The following HAPLN1 variants were observed in gnomAD, a reference collection of about 807,000 sequenced individuals.
HAPLN1 encodes the protein hyaluronan and proteoglycan link protein 1.
HAPLN1 carries 13 observed loss-of-function variants against 36.5 expected under a neutral mutation model. The ratio of observed to expected loss-of-function variants is 0.36; its 90% confidence interval spans 0.23 to 0.57. HAPLN1 has a LOEUF of 0.57. Ranked by LOEUF, HAPLN1 falls within the 20% of genes least tolerant of loss-of-function variation. The pLI is 0.83. For synonymous variants in HAPLN1, 202 were observed against 169.8 expected (o/e 1.19, Z -1.48); for missense variants, 407 against 439.7 (o/e 0.93, Z 0.66).
At chr5:83,697,070 C>T (rs2112625505) in intron 1 of HAPLN1, among the ~76,000 whole-genome samples, 1 of 152,216 alleles carries the variant, frequency 6.6e-6, no homozygotes, top group East Asian at 1.9e-4. Flanking sequence ...ACCAGGATTC[C>T]TGGCAAACAC....
intron 2 of HAPLN1, among the ~76,000 whole-genome samples, chr5:83,655,744 G>A (rs1057289759): frequency 6.6e-6 from 1 of 152,114 alleles, no homozygotes; most frequent in Non-Finnish European, 1.5e-5. Flanking sequence ...TTTTGGAGAA[G>A]TGGTCTATTG....
rs747717269 is a variant in HAPLN1, at chr5:83,644,636, C to T, written c.502G>A (p.Gly168Arg). 6.7e-7 allele frequency: 1 copy of T among 1,487,318 alleles called. No homozygotes were observed. The highest frequency in any genetic ancestry group is 2.3e-5 in the Admixed American group (1 of 43,522). 92.1% of individuals were successfully genotyped at this position (1,487,318 alleles called of 1,614,324 possible). The change falls in exon 4 of 5, where the codon GGG becomes AGG. Residue 168 changes from glycine (G) to arginine (R), a missense_variant. Gly to Arg is a moderately radical substitution (Grantham distance 125, BLOSUM62 -2). Coordinates refer to ENST00000274341, the MANE Select transcript of HAPLN1 (RefSeq NM_001884.4). ...TCGTGAAAATTGAGATTGTAGCGCCCCAGTCGTGGAAAGTAAGGGAATACC... is the reference window on the plus strand; with the variant it reads ...TCGTGAAAATTGAGATTGTAGCGCCTCAGTCGTGGAAAGTAAGGGAATACC... The part of the protein sequence containing the change: ...GVVFPYFPRL[G>R]RYNLNFHEAQ...
At chr5:83,667,476 G>A (rs1750585702) in intron 2 of HAPLN1, among the ~76,000 whole-genome samples, 1 of 151,284 alleles carries the variant, frequency 6.6e-6, no homozygotes, top group East Asian at 1.9e-4. Flanking sequence ...ATATATATAA[G>A]TATATTTCCA....
chr5:83,668,136 T>C (rs948665174), intron 2 of HAPLN1, among the ~76,000 whole-genome samples: 1 of 152,180 alleles, frequency 6.6e-6, no homozygotes, highest in African/African-American at 2.4e-5. Flanking sequence ...TGGGTTTATG[T>C]GACTGGGATG....
At chr5:83,718,440 C>G (rs894950857) in intron 1 of HAPLN1, among the ~76,000 whole-genome samples, 11 of 152,132 alleles carry the variant, frequency 7.2e-5, no homozygotes, top group Non-Finnish European at 1.3e-4. Flanking sequence ...CACCACAGAC[C>G]CTCCCATTCA....
Position 83,680,514 on chromosome 5 carries a change from G to A in HAPLN1, c.-26-6965C>T, listed in dbSNP as rs189384282. On this transcript the variant is annotated intron_variant, in intron 1 of 4. Transcript: ENST00000274341. ...CTACTAAAAAATTTTTCAGTTACATGAGATTTCATATAGGTTTTTATGGGC... is the reference window on the plus strand; with the variant it reads ...CTACTAAAAAATTTTTCAGTTACATAAGATTTCATATAGGTTTTTATGGGC... 2.4e-4 allele frequency among the ~76,000 whole-genome samples: 36 copies of A among 152,216 alleles called. No homozygotes were observed. In the East Asian group the frequency reaches 6.8e-3, roughly 29 times the overall value.
intron 2 of HAPLN1, among the ~76,000 whole-genome samples, chr5:83,655,855 A>G (rs912018871): frequency 5.9e-5 from 9 of 152,094 alleles, no homozygotes; most frequent in African/African-American, 2.2e-4. Flanking sequence ...GGTTGTCGTC[A>G]CAGAGACCAG....
chr5:83,645,594 A>T (rs1362647065), intron 3 of HAPLN1, among the ~76,000 whole-genome samples: 1 of 150,944 alleles, frequency 6.6e-6, no homozygotes, highest in African/African-American at 2.4e-5. Context: ...TACCCCTGCT[A>T]AAGTGGACTC....
intron 1 of HAPLN1, among the ~76,000 whole-genome samples, chr5:83,710,844 T>C (rs1870060): frequency 0.06 from 9,179 of 151,760 alleles, 329 homozygotes; most frequent in Admixed American, 0.071. Context: ...CCAGCTACTC[T>C]GGAGGGTGAG....
At chr5:83,645,450 G>A (rs546143324) in intron 3 of HAPLN1, among the ~76,000 whole-genome samples, 38 of 82,938 alleles carry the variant, frequency 4.6e-4, no homozygotes, top group Non-Finnish European at 8.0e-4. Context: ...GAGATTTTTT[G>A]TGATTTTCTT....
At chr5:83,645,881 GA>G (rs766635067) in intron 3 of HAPLN1, among the ~76,000 whole-genome samples, 31 of 150,606 alleles carry the variant, frequency 2.1e-4, no homozygotes, top group South Asian at 1.1e-3. Context: ...TTATAAACAG[GA>G]AAAAAAAACT....
rs373107913 is a variant in HAPLN1, at chr5:83,673,554, G to A, written c.-26-5C>T. Reference sequence around the variant, plus strand: ...TAGCCCAAAGAATCTTCTTCACTGCGAGAGCATCACATACAAAGAGGCTTG... The same window carrying A: ...TAGCCCAAAGAATCTTCTTCACTGCAAGAGCATCACATACAAAGAGGCTTG... On this transcript the variant is annotated splice_polypyrimidine_tract_variant and splice_region_variant and intron_variant, in intron 1 of 4. Coordinates refer to ENST00000274341, the MANE Select transcript of HAPLN1 (RefSeq NM_001884.4). 186 of 1,491,202 alleles carry A rather than the reference G, an allele frequency of 1.2e-4. No homozygotes were observed. The highest frequency in any genetic ancestry group is 1.5e-4 in the Non-Finnish European group (155 of 1,068,748). The allele number at this position is 1,491,202 out of a possible 1,614,324, so 92.4% of individuals were successfully genotyped here.
intron 1 of HAPLN1, among the ~76,000 whole-genome samples, chr5:83,707,747 ACTTAAGAG>A (rs989695688): frequency 6.6e-6 from 1 of 152,238 alleles, no homozygotes. Flanking sequence ...ATCCAATTAA[ACTTAAGAG>A]CTTCTGCACA....
chr5:83,695,812 C>T (rs974592280), intron 1 of HAPLN1, among the ~76,000 whole-genome samples: 11 of 151,720 alleles, frequency 7.3e-5, no homozygotes, highest in Non-Finnish European at 1.5e-4. Flanking sequence ...CCACAGCTAA[C>T]ATCATACTTA....
intron 4 of HAPLN1, among the ~76,000 whole-genome samples, chr5:83,643,405 T>C (rs1749763126): frequency 6.6e-6 from 1 of 151,066 alleles, no homozygotes; most frequent in Admixed American, 6.6e-5. Flanking sequence ...ATAATCTCTT[T>C]CTATTTTTCC....
intron 1 of HAPLN1, among the ~76,000 whole-genome samples, chr5:83,703,945 A>G (rs1751568502): frequency 6.6e-6 from 1 of 151,680 alleles, no homozygotes; most frequent in African/African-American, 2.4e-5. Flanking sequence ...ACACATGATC[A>G]TCAGATTTTC....
intron 2 of HAPLN1, among the ~76,000 whole-genome samples, chr5:83,653,581 T>C (rs1195319607): frequency 2.6e-5 from 4 of 152,234 alleles, no homozygotes; most frequent in Admixed American, 6.5e-5. Context: ...TATTTGCTTC[T>C]TTACTCCCTT....
rs538951104 is a variant in HAPLN1, at chr5:83,712,828, A to ATTTTT, written c.-27+7956_-27+7960dup. Among the ~76,000 whole-genome samples, 12 of 145,924 alleles carry ATTTTT rather than the reference A, an allele frequency of 8.2e-5. No individual in the cohort carries two copies. The East Asian group carries it at 2.4e-3, about 29-fold the overall frequency. On this transcript the variant is annotated intron_variant, in intron 1 of 4. Transcript: ENST00000274341. The stretch of plus-strand genomic sequence containing the variant: ...ATACTTAAAGTTATTGAATGATTGA[A>ATTTTT]TTTTTTTTTTGTATTTTATCAAGCA...
At chr5:83,685,002 C>T (rs1751087449) in intron 1 of HAPLN1, among the ~76,000 whole-genome samples, 1 of 152,052 alleles carries the variant, frequency 6.6e-6, no homozygotes, top group South Asian at 2.1e-4. Context: ...ATGGGTTAGC[C>T]TTTAGCTATT....
Sources: allele counts gnomAD v4.1 joint callset (sites outside exome capture counted in the v4.1 genomes callset), GRCh38; gene constraint gnomAD v4.1.1; transcripts MANE v1.5; gene names NCBI Gene and HGNC (gene_info 2026-07-23, HGNC 2026-07-21).